Variants in HTR4 observed in about 807,000 individuals in gnomAD.
HTR4 encodes the protein 5-hydroxytryptamine (serotonin) receptor 4, G protein-coupled.
In HTR4, 16 loss-of-function variants were observed where a neutral mutation model predicts 36.8. The ratio of observed to expected loss-of-function variants is 0.43; its 90% CI spans 0.29 to 0.66. The LOEUF (loss-of-function observed/expected upper bound fraction) is 0.66, where lower values mean the gene tolerates loss of function less well. Ranked by LOEUF, HTR4 falls within the 30% of genes least tolerant of loss-of-function variation. HTR4 has a pLI of 0.13. For missense variants in HTR4, 438 were observed against 490.9 expected (o/e 0.89, Z 1.02); for synonymous variants, 189 against 185.1 (o/e 1.02, Z -0.17).
chr5:148,520,179 C>A (rs372693542), intron 5 of HTR4, among the ~76,000 whole-genome samples: 44 of 152,300 alleles, frequency 2.9e-4, no homozygotes, highest in African/African-American at 9.9e-4. Flanking sequence ...CCGCCAACAA[C>A]ATGACCATGT....
At chr5:148,650,070 T>C (rs1160822281) in intron 1 of HTR4, among the ~76,000 whole-genome samples, 1 of 152,096 alleles carries the variant, frequency 6.6e-6, no homozygotes, top group Non-Finnish European at 1.5e-5. Flanking sequence ...GGGTACATAG[T>C]AGGGTACATG....
chr5:148,639,580 G>A (rs1418160220), intron 1 of HTR4, among the ~76,000 whole-genome samples: 1 of 144,506 alleles, frequency 6.9e-6, no homozygotes, highest in Non-Finnish European at 1.5e-5. Flanking sequence ...TTCTAAAAAT[G>A]TCTATCCTCT....
chr5:148,482,114 C>T lies in HTR4; in HGVS notation c.*1089G>A, dbSNP rs1755914636. The T allele has an allele frequency of 1.0e-6, 1 of 985,798 alleles. No homozygotes were observed. Among genetic ancestry groups the T allele is most frequent in the Admixed American group, 6.1e-5 (1 of 16,308 alleles). The allele number at this position is 985,798 out of a possible 1,614,324, so 61.1% of individuals were successfully genotyped here. ...CTTGTTTGCAGCACAGCCAGGGCGG[C>T]AATTTGGGTCCTCTGGCTTCAAGTA... On this transcript the variant is annotated 3_prime_UTR_variant, in exon 7 of 7. Transcript: ENST00000377888.
intron 2 of HTR4, among the ~76,000 whole-genome samples, chr5:148,576,035 G>A (rs1016325844): frequency 1.9e-4 from 25 of 129,104 alleles, no homozygotes; most frequent in Non-Finnish European, 6.3e-5. Flanking sequence ...CTTCAGCAAA[G>A]TTTCAGGATA....
chr5:148,475,875 T>C (rs1280144059), downstream of HTR4, among the ~76,000 whole-genome samples: 1 of 152,214 alleles, frequency 6.6e-6, no homozygotes, highest in African/African-American at 2.4e-5. Flanking sequence ...TGTGCTATCA[T>C]TATCCCCTTG....
chr5:148,521,807 A>G (rs1184801755), intron 5 of HTR4, among the ~76,000 whole-genome samples: 1 of 152,062 alleles, frequency 6.6e-6, no homozygotes, highest in Non-Finnish European at 1.5e-5. Flanking sequence ...AGGAAATGAG[A>G]CAGTTCAGAG....
chr5:148,468,382 C>T (rs1421587482), intron 5 of HTR4, among the ~76,000 whole-genome samples: 2 of 152,166 alleles, frequency 1.3e-5, no homozygotes, highest in African/African-American at 4.8e-5. Context: ...TGTACTCTGG[C>T]AGGAACTCTT....
At chr5:148,457,418 C>A (rs918091358) in intron 5 of HTR4, among the ~76,000 whole-genome samples, 1 of 151,472 alleles carries the variant, frequency 6.6e-6, no homozygotes, top group African/African-American at 2.4e-5. Flanking sequence ...GTCTACAATT[C>A]ATTCACTGAG....
chr5:148,530,434 G>A (rs1020005444), intron 4 of HTR4, among the ~76,000 whole-genome samples: 3 of 152,196 alleles, frequency 2.0e-5, no homozygotes, highest in African/African-American at 7.2e-5. Context: ...TAGAGCTCAG[G>A]CCATAGCTTC....
chr5:148,635,372 G>A (rs1378669577), intron 2 of HTR4, among the ~76,000 whole-genome samples: 1 of 152,084 alleles, frequency 6.6e-6, no homozygotes, highest in Admixed American at 6.6e-5. Flanking sequence ...TAGAGAGGGG[G>A]AGTGGGTGAG....
At chr5:148,506,966 C>T (rs1317394221) in intron 6 of HTR4, among the ~76,000 whole-genome samples, 1 of 151,046 alleles carries the variant, frequency 6.6e-6, no homozygotes, top group Admixed American at 6.6e-5. Context: ...GACAGTGTGG[C>T]GATTCCTCAA....
At chr5:148,500,702 A>T (rs1487243288) in intron 6 of HTR4, among the ~76,000 whole-genome samples, 2 of 152,160 alleles carry the variant, frequency 1.3e-5, no homozygotes, top group Non-Finnish European at 2.9e-5. Context: ...GGCCAAACAC[A>T]TAAAGATGCA....
chr5:148,481,452 G>A (rs753349812), downstream of HTR4: 6 of 923,384 alleles, frequency 6.5e-6, no homozygotes, highest in South Asian at 6.2e-5. Flanking sequence ...ATTCTGAATA[G>A]CATTTCTCTT....
In HTR4 at chr5:148,482,471, T is replaced by C; in HGVS notation, c.*732A>G. 2.0e-6 allele frequency: 2 copies of C among 985,302 alleles called. No individual in the cohort carries two copies. The highest frequency in any genetic ancestry group is 3.5e-5 in the African/African-American group (2 of 57,274). The allele number at this position is 985,302 out of a possible 1,614,324, so 61.0% of individuals were successfully genotyped here. On this transcript the variant is annotated 3_prime_UTR_variant, in exon 7 of 7. Transcript: ENST00000377888. ...ATCTGTCTTCAGCTTCCCTCCAGAG[T>C]TGCTGTGGAGACCATTTTCCTCTGA...
intron 2 of HTR4, among the ~76,000 whole-genome samples, chr5:148,636,523 A>T (rs1397509055): frequency 1.3e-5 from 2 of 152,206 alleles, no homozygotes; most frequent in African/African-American, 4.8e-5. Context: ...AAAACGAAAC[A>T]AAAACCATTT....
At chr5:148,452,698 C>T (rs888362733) in intron 5 of HTR4, among the ~76,000 whole-genome samples, 1 of 152,174 alleles carries the variant, frequency 6.6e-6, no homozygotes, top group African/African-American at 2.4e-5. Context: ...TCTCACAGAA[C>T]CGTCCACCGC....
At chr5:148,510,172 A>C in intron 5 of HTR4, 148 bp from the exon 6 acceptor site, 1 of 605,004 alleles carries the variant, frequency 1.7e-6, no homozygotes, top group Non-Finnish European at 2.9e-6. Context: ...AAGAAGGGGA[A>C]GAGAACAAGG....
rs1020884917 is a variant in HTR4, at chr5:148,482,098, A to G, written c.*1105T>C. ...ATTCAAGATCTCACAGCTTGTTTGC[A>G]GCACAGCCAGGGCGGCAATTTGGGT... On this transcript the variant is annotated 3_prime_UTR_variant, in exon 7 of 7. Coordinates refer to ENST00000377888, the MANE Select transcript of HTR4 (RefSeq NM_000870.7). 3 of 983,002 alleles carry G rather than the reference A, an allele frequency of 3.1e-6. No homozygotes were observed. In the East Asian group the frequency reaches 3.4e-4, roughly 111 times the overall value. The allele number at this position is 983,002 out of a possible 1,614,324, so 60.9% of individuals were successfully genotyped here.
At chr5:148,654,027 G>A in intron 1 of HTR4, 35 bp downstream of exon 1, 1 of 983,340 alleles carries the variant, frequency 1.0e-6, no homozygotes, top group South Asian at 4.7e-5. Flanking sequence ...GTGGGCTCCT[G>A]GGGTCCCGAC....
Sources: allele counts gnomAD v4.1 joint callset (sites outside exome capture counted in the v4.1 genomes callset), GRCh38; gene constraint gnomAD v4.1.1; transcripts MANE v1.5; gene names NCBI Gene and HGNC (gene_info 2026-07-23, HGNC 2026-07-21).